LARGE1: variants seen among roughly 807,000 people sequenced by gnomAD.
LARGE1 encodes the protein LARGE xylosyl- and glucuronyltransferase 1.
A neutral mutation model predicts 87.6 loss-of-function variants in LARGE1; 43 were observed. The ratio of observed to expected loss-of-function variants is 0.49; its 90% CI spans 0.38 to 0.63. The LOEUF (loss-of-function observed/expected upper bound fraction) is 0.63. Ranked by LOEUF, LARGE1 falls within the 30% of genes least tolerant of loss-of-function variation. LARGE1 has a pLI of 0.00. For missense variants in LARGE1, 802 were observed against 1,000.2 expected (o/e 0.80, Z 2.67); for synonymous variants, 434 against 394.6 (o/e 1.10, Z -1.18).
rs528329919 is a variant in LARGE1, at chr22:33,481,255, A to ATT, written c.788-48992_788-48991dup. ...CACACACACACACACGTACACACACATTTTTTTTTTTTTAAGCACTGCCAG... is the reference window on the plus strand; with the variant it reads ...CACACACACACACACGTACACACACATTTTTTTTTTTTTTTAAGCACTGCCAG... On this transcript the variant is annotated intron_variant, in intron 6 of 14. Transcript: ENST00000397394. Among the ~76,000 whole-genome samples, 104 of 143,848 alleles carry ATT rather than the reference A, an allele frequency of 7.2e-4. 1 individual carries two copies. Among genetic ancestry groups the ATT allele is most frequent in the African/African-American group, 2.1e-3 (81 of 39,152 alleles). The allele number at this position is 143,848 out of a possible 152,430, so 94.4% of individuals were successfully genotyped here. A position where few individuals can be genotyped will look rare whatever the true frequency, so the allele number is the denominator to read the frequency against.
intron 10 of LARGE1, among the ~76,000 whole-genome samples, chr22:33,336,596 A>G (rs1473945464): frequency 6.6e-6 from 1 of 152,140 alleles, no homozygotes; most frequent in Non-Finnish European, 1.5e-5. Context: ...ACTGGAAGGA[A>G]TTAAAGCCAA....
At chr22:33,597,745 C>T (rs896889779) in intron 5 of LARGE1, among the ~76,000 whole-genome samples, 3 of 152,186 alleles carry the variant, frequency 2.0e-5, no homozygotes, top group African/African-American at 7.2e-5. Flanking sequence ...CGCTTCCCTT[C>T]CTGAGCTCGG....
At chr22:33,670,373 G>C (rs548814739) in intron 2 of LARGE1, among the ~76,000 whole-genome samples, 2 of 151,844 alleles carry the variant, frequency 1.3e-5, no homozygotes, top group East Asian at 3.9e-4. Flanking sequence ...AAACTTCGAG[G>C]ACTCATCACG....
the LARGE1 span, among the ~76,000 whole-genome samples, chr22:33,080,766 G>A: frequency 6.6e-6 from 1 of 152,146 alleles, no homozygotes; most frequent in East Asian, 1.9e-4. Flanking sequence ...TTGAATTCAG[G>A]CAGTTAGCTC....
intron 2 of LARGE1, among the ~76,000 whole-genome samples, chr22:33,689,637 G>A (rs538361817): frequency 2.6e-5 from 4 of 152,194 alleles, no homozygotes; most frequent in Admixed American, 2.6e-4. Flanking sequence ...GGTGAGGTGG[G>A]GGAGAATTAA....
chr22:33,700,292 T>C (rs1044906946), intron 2 of LARGE1, among the ~76,000 whole-genome samples: 1 of 152,176 alleles, frequency 6.6e-6, no homozygotes, highest in South Asian at 2.1e-4. Context: ...TGCTGGAGTT[T>C]GAGAATCGAT....
At chr22:33,334,458 C>T (rs899958829) in intron 10 of LARGE1, among the ~76,000 whole-genome samples, 2 of 149,544 alleles carry the variant, frequency 1.3e-5, no homozygotes, top group African/African-American at 5.0e-5. Flanking sequence ...AGAAACAGGG[C>T]ATGTCATAGA....
intron 9 of LARGE1, among the ~76,000 whole-genome samples, chr22:33,348,716 GT>G (rs550978060): frequency 2.8e-4 from 40 of 142,932 alleles, no homozygotes; most frequent in East Asian, 4.1e-4. Context: ...TTTGCTTTTT[GT>G]TTTTTTTTTT....
chr22:33,515,485 T>A (rs895976884), intron 6 of LARGE1, among the ~76,000 whole-genome samples: 1 of 152,170 alleles, frequency 6.6e-6, no homozygotes, highest in Non-Finnish European at 1.5e-5. Context: ...TGATTGGCAC[T>A]TGGTATGTGT....
At chr22:33,738,618 C>T (rs1221838881) in intron 2 of LARGE1, among the ~76,000 whole-genome samples, 5 of 152,062 alleles carry the variant, frequency 3.3e-5, no homozygotes, top group African/African-American at 7.2e-5. Context: ...CCAGCACTTT[C>T]GGAGGCCGAG....
chr22:33,500,539 T>C (rs115976245), intron 6 of LARGE1, among the ~76,000 whole-genome samples: 2,188 of 152,262 alleles, frequency 0.014, 50 homozygotes, highest in African/African-American at 0.05. Flanking sequence ...GAAAAATTGG[T>C]CTCATAGCTT....
chr22:33,437,469 T>C (rs1456521301), intron 6 of LARGE1, among the ~76,000 whole-genome samples: 1 of 151,762 alleles, frequency 6.6e-6, no homozygotes, highest in Admixed American at 6.6e-5. Flanking sequence ...CATACCTAAT[T>C]TTTTTTTTCC....
chr22:33,641,811 G>A (rs1427991777), intron 3 of LARGE1, among the ~76,000 whole-genome samples: 2 of 152,126 alleles, frequency 1.3e-5, no homozygotes, highest in Non-Finnish European at 2.9e-5. Flanking sequence ...ATGAAATAAA[G>A]TGTGAAGACA....
intron 11 of LARGE1, among the ~76,000 whole-genome samples, chr22:33,266,557 T>C (rs1452389716): frequency 6.6e-6 from 1 of 151,676 alleles, no homozygotes; most frequent in Non-Finnish European, 1.5e-5. Flanking sequence ...TGAGCTTCCG[T>C]TTCCTTATCT....
intron 9 of LARGE1, among the ~76,000 whole-genome samples, chr22:33,354,057 G>A (rs141229996): frequency 2.3e-4 from 35 of 152,362 alleles, no homozygotes; most frequent in African/African-American, 8.4e-4. Flanking sequence ...GGACATGTAA[G>A]AGATGGCACA....
chr22:33,353,570 T>C (rs909636948), intron 9 of LARGE1, among the ~76,000 whole-genome samples: 1 of 152,218 alleles, frequency 6.6e-6, no homozygotes, highest in Non-Finnish European at 1.5e-5. Context: ...AGATTTGCTA[T>C]GGAATTAAAT....
chr22:33,068,613 C>G, the LARGE1 span, among the ~76,000 whole-genome samples: 1 of 152,134 alleles, frequency 6.6e-6, no homozygotes, highest in African/African-American at 2.4e-5. Context: ...CCACTGCACT[C>G]CAGCCTGGGC....
intron 1 of LARGE1, among the ~76,000 whole-genome samples, chr22:33,795,791 T>C (rs775367606): frequency 5.3e-5 from 8 of 151,930 alleles, no homozygotes; most frequent in Non-Finnish European, 7.4e-5. Context: ...TAGGTGGGAA[T>C]TGAACAATAA....
At chr22:33,670,175 T>A (rs1222196866) in intron 2 of LARGE1, among the ~76,000 whole-genome samples, 1 of 152,140 alleles carries the variant, frequency 6.6e-6, no homozygotes, top group Non-Finnish European at 1.5e-5. Flanking sequence ...ATTCACTCAT[T>A]AAATTCATAC....
Sources: gnomAD v4.1 joint callset for allele counts (sites outside exome capture counted in the v4.1 genomes callset) on GRCh38, gnomAD v4.1.1 for gene constraint, MANE v1.5 for transcripts, NCBI Gene and HGNC (gene_info 2026-07-23, HGNC 2026-07-21) for gene names.